Variants in GABRB1 observed in about 807,000 individuals in gnomAD.
The protein encoded by GABRB1 is gamma-aminobutyric acid type A receptor subunit beta1.
A neutral mutation model predicts 51.6 loss-of-function variants in GABRB1; 17 were observed. The ratio of observed to expected loss-of-function variants is 0.33; its 90% CI spans 0.23 to 0.49. The LOEUF (loss-of-function observed/expected upper bound fraction) is 0.49, where lower values mean the gene tolerates loss of function less well. Among genes scored for constraint, GABRB1 ranks in the 20% least tolerant of loss-of-function variants. The pLI, the probability that GABRB1 is intolerant of heterozygous loss-of-function variation, is 0.99. For missense variants in GABRB1, 410 were observed against 600.6 expected, an observed-to-expected ratio of 0.68 and a Z score of 3.32; for synonymous variants, 247 against 218.9, an observed-to-expected ratio of 1.13 and a Z score of -1.14.
chr4:47,006,215 T>C (rs1003973209), intron 1 of GABRB1, among the ~76,000 whole-genome samples: 3 of 152,134 alleles, frequency 2.0e-5, no homozygotes, highest in African/African-American at 7.2e-5. Context: ...TAGATTGGGT[T>C]CATCTTTCAA....
At chr4:47,391,523 T>C (rs1727991178) in intron 5 of GABRB1, among the ~76,000 whole-genome samples, 1 of 152,220 alleles carries the variant, frequency 6.6e-6, no homozygotes, top group South Asian at 2.1e-4. Context: ...GGTGCTTATA[T>C]GTTTCTCACC....
intron 3 of GABRB1, among the ~76,000 whole-genome samples, chr4:47,071,337 T>A (rs1365250999): frequency 6.6e-6 from 1 of 152,220 alleles, no homozygotes; most frequent in Admixed American, 6.5e-5. Flanking sequence ...TCAGATCATG[T>A]TCCTCCTTTG....
At chr4:47,016,223 G>A (rs1462747170) in intron 1 of GABRB1, among the ~76,000 whole-genome samples, 1 of 152,164 alleles carries the variant, frequency 6.6e-6, no homozygotes, top group African/African-American at 2.4e-5. Flanking sequence ...GGTATAACAT[G>A]TTGCTTTAAA....
intron 4 of GABRB1, among the ~76,000 whole-genome samples, chr4:47,267,071 C>T (rs764694695): frequency 1.3e-5 from 2 of 151,972 alleles, no homozygotes; most frequent in Non-Finnish European, 2.9e-5. Context: ...TTTTTAAATG[C>T]CTTACTATTA....
At chr4:47,182,988 A>G (rs1038065602) in intron 4 of GABRB1, among the ~76,000 whole-genome samples, 18 of 151,890 alleles carry the variant, frequency 1.2e-4, no homozygotes, top group Non-Finnish European at 2.6e-4. Flanking sequence ...TCAGCTATAA[A>G]AATTACAGAT....
chr4:47,050,965 T>A (rs1238129280), intron 3 of GABRB1, among the ~76,000 whole-genome samples: 1 of 152,152 alleles, frequency 6.6e-6, no homozygotes, highest in Non-Finnish European at 1.5e-5. Context: ...GGGCCCACCC[T>A]GGGTTCTGGC....
Position 47,037,538 on chromosome 4 carries a change from G to T in GABRB1, c.240+5054G>T, listed in dbSNP as rs965594033. 4.0e-3 allele frequency among the ~76,000 whole-genome samples: 450 copies of T among 111,546 alleles called. 5 individuals carry two copies. Among genetic ancestry groups the T allele is most frequent in the African/African-American group, 0.012 (372 of 30,216 alleles). 73.2% of individuals were successfully genotyped at this position (111,546 alleles called of 152,430 possible). A position where few individuals can be genotyped will look rare whatever the true frequency, so the allele number is the denominator to read the frequency against. On this transcript the variant is annotated intron_variant, in intron 3 of 8. Transcript: ENST00000295454. Reference sequence around the variant, plus strand: ...AGCATATATATATTCGTTTTTTTTTGTTGTTGTTGTTGTTTTTTGTTTTTT... The same window carrying T: ...AGCATATATATATTCGTTTTTTTTTTTTGTTGTTGTTGTTTTTTGTTTTTT...
chr4:47,187,363 C>G (rs1014103898), intron 4 of GABRB1, among the ~76,000 whole-genome samples: 1 of 151,826 alleles, frequency 6.6e-6, no homozygotes, highest in Non-Finnish European at 1.5e-5. Flanking sequence ...ATCCTGGAAC[C>G]AACTGCATTT....
At chr4:47,031,770 CTCTCTT>C in intron 1 of GABRB1, 39 bp downstream of exon 1, 1 of 1,550,268 alleles carries the variant, frequency 6.5e-7, no homozygotes, top group Non-Finnish European at 8.9e-7. Flanking sequence ...CTCTCTCTCT[CTCTCTT>C]TTTTTCTTGG....
intron 4 of GABRB1, among the ~76,000 whole-genome samples, chr4:47,261,725 G>T (rs931406939): frequency 6.6e-6 from 1 of 151,942 alleles, no homozygotes; most frequent in Non-Finnish European, 1.5e-5. Flanking sequence ...AAAAGAGCCC[G>T]CATCACCAAG....
At chr4:47,385,934 G>T (rs1275354363) in intron 5 of GABRB1, among the ~76,000 whole-genome samples, 2 of 152,160 alleles carry the variant, frequency 1.3e-5, no homozygotes, top group African/African-American at 4.8e-5. Context: ...GACACATAGG[G>T]CAAAGAATGG....
intron 5 of GABRB1, among the ~76,000 whole-genome samples, chr4:47,347,950 C>T (rs1012360974): frequency 5.9e-5 from 9 of 152,116 alleles, no homozygotes; most frequent in Non-Finnish European, 1.2e-4. Context: ...TTATAAAAAT[C>T]AAAGAAAGAC....
intron 4 of GABRB1, among the ~76,000 whole-genome samples, chr4:47,181,904 C>T (rs1442529611): frequency 1.3e-5 from 2 of 151,956 alleles, no homozygotes; most frequent in Non-Finnish European, 2.9e-5. Context: ...AAACTTCTAG[C>T]GGGGAGTGGC....
rs1719978341 is a variant in GABRB1 at position 47,203,539 on chromosome 4, AG to A, written c.461+42071del. ...AGGATGAGTAGGAATTTCCGAGGCA[AG>A]TGAAGAGAGGGAGACATAAAGAGGA... On this transcript the variant is annotated intron_variant, in intron 4 of 8. Transcript: ENST00000295454. 2.6e-5 allele frequency among the ~76,000 whole-genome samples: 4 copies of A among 152,216 alleles called. No individual in the cohort carries two copies. In the South Asian group the frequency reaches 8.3e-4, roughly 32 times the overall value.
At chr4:47,087,268 C>G (rs1036288695) in intron 3 of GABRB1, among the ~76,000 whole-genome samples, 14 of 113,752 alleles carry the variant, frequency 1.2e-4, no homozygotes, top group African/African-American at 4.3e-4. Context: ...CAATAAAATA[C>G]GGTAGCATTA....
chr4:47,387,712 G>A (rs773920394), intron 5 of GABRB1, among the ~76,000 whole-genome samples: 1 of 152,138 alleles, frequency 6.6e-6, no homozygotes, highest in Non-Finnish European at 1.5e-5. Flanking sequence ...GCAGGCATGG[G>A]GGGATCTCAT....
intron 4 of GABRB1, among the ~76,000 whole-genome samples, chr4:47,178,759 G>T (rs1301083457): frequency 6.6e-6 from 1 of 152,100 alleles, no homozygotes; most frequent in Non-Finnish European, 1.5e-5. Flanking sequence ...CATGCCAAAT[G>T]AGATGCCAAG....
intron 3 of GABRB1, among the ~76,000 whole-genome samples, chr4:47,093,910 A>G (rs1462739981): frequency 2.6e-5 from 4 of 152,306 alleles, no homozygotes; most frequent in South Asian, 2.1e-4. Context: ...ACTTATCCCA[A>G]TGAATGGAGC....
At chr4:47,211,332 G>A (rs994752494) in intron 4 of GABRB1, among the ~76,000 whole-genome samples, 1 of 152,114 alleles carries the variant, frequency 6.6e-6, no homozygotes. Context: ...CTTAAGAAAA[G>A]TGTGCTTACT....
Sources: allele counts gnomAD v4.1 joint callset (sites outside exome capture counted in the v4.1 genomes callset), GRCh38; gene constraint gnomAD v4.1.1; transcripts MANE v1.5; gene names NCBI Gene and HGNC (gene_info 2026-07-23, HGNC 2026-07-21).